The following ZCCHC4 variants were observed in gnomAD, a reference collection of about 807,000 sequenced individuals.
ZCCHC4 encodes the protein rRNA N(6)-adenosine-methyltransferase ZCCHC4.
Under a neutral mutation model 67.7 loss-of-function variants are expected in ZCCHC4, and 54 were observed. The ratio of observed to expected loss-of-function variants is 0.80; its 90% confidence interval spans 0.64 to 1.00. The LOEUF (loss-of-function observed/expected upper bound fraction) is 1.00. Ranked by LOEUF, ZCCHC4 falls within the 50% of genes least tolerant of loss-of-function variation. ZCCHC4 has a pLI of 0.00. For synonymous variants in ZCCHC4, 198 were observed against 213.5 expected (o/e 0.93, Z 0.63); for missense variants, 609 against 617.0 (o/e 0.99, Z 0.14).
Position 25,332,648 on chromosome 4 carries a change from T to G in ZCCHC4, c.330-535T>G, listed in dbSNP as rs577738176. On this transcript the variant is annotated intron_variant, in intron 3 of 12. Coordinates refer to ENST00000302874, the MANE Select transcript of ZCCHC4 (RefSeq NM_024936.3). The stretch of plus-strand genomic sequence containing the variant: ...CTTTTTTAAGGCTTTGAATATTGTC[T>G]TGTTGTTTTGGAGGTGAGCTTATAA... Among the ~76,000 whole-genome samples, 6 of 152,344 alleles carry G rather than the reference T, an allele frequency of 3.9e-5. No individual in the cohort carries two copies. In the East Asian group the frequency reaches 9.6e-4, roughly 24 times the overall value.
At position 25,369,062 on chromosome 4, in the gene ZCCHC4, T is replaced by TG. The variant is rs760268462; in HGVS notation, c.1440_1441insG (p.Lys481GlufsTer38). 17 of 1,611,900 alleles carry TG rather than the reference T, an allele frequency of 1.1e-5. No individual in the cohort carries two copies. Among genetic ancestry groups the TG allele is most frequent in the Non-Finnish European group, 1.4e-5 (17 of 1,179,508 alleles). ...GAAAGCAGAAGCAAAGAAAAAGTAA[T>TG]AAGATGAAAATGGAGACCACGAAAG... On this transcript the variant is annotated frameshift_variant, in exon 13 of 13. Transcript: ENST00000302874. LOFTEE classifies it high-confidence loss of function.
At chr4:25,337,017 T>G (rs1719493285) in intron 5 of ZCCHC4, among the ~76,000 whole-genome samples, 1 of 152,242 alleles carries the variant, frequency 6.6e-6, no homozygotes, top group Non-Finnish European at 1.5e-5. Context: ...GAAATAACTT[T>G]GCTTTTAAAC....
chr4:25,362,080 C>T, intron 9 of ZCCHC4, 100 bp downstream of exon 9: 1 of 1,482,404 alleles, frequency 6.7e-7, no homozygotes, highest in Admixed American at 2.2e-5. Flanking sequence ...TGTTATTCTT[C>T]TGTTACTTTT....
rs1720651066 is a variant in ZCCHC4, at chr4:25,359,780, C to G, written c.1012-2079C>G. Among the ~76,000 whole-genome samples, 1 of 152,232 alleles carries G rather than the reference C, an allele frequency of 6.6e-6. No individual in the cohort carries two copies. On this transcript the variant is annotated intron_variant, in intron 8 of 12. Coordinates refer to ENST00000302874, the MANE Select transcript of ZCCHC4 (RefSeq NM_024936.3). This position sits in a 1 kb window ranked among gnomAD's most constrained non-coding sequence, Gnocchi z 4.9. ...TGTTTCTGCGCGACCTGGTCCCACC[C>G]TGGCACTCCAGCCTAAAGACTATGT...
Position 25,324,014 on chromosome 4 carries a change from G to GTTTTTTTTTTTTTTTTTTT in ZCCHC4, c.329+8630_329+8631insTTTTTTTTTTTTTTTTTTT, listed in dbSNP as rs71188998. Among the ~76,000 whole-genome samples the GTTTTTTTTTTTTTTTTTTT allele has an allele frequency of 1.3e-3, 105 of 82,424 alleles. 29 individuals are homozygous for GTTTTTTTTTTTTTTTTTTT. Among genetic ancestry groups the GTTTTTTTTTTTTTTTTTTT allele is most frequent in the East Asian group, 3.2e-3 (9 of 2,810 alleles). 54.1% of individuals were successfully genotyped at this position (82,424 alleles called of 152,430 possible). A position where few individuals can be genotyped will look rare whatever the true frequency, so the allele number is the denominator to read the frequency against. On this transcript the variant is annotated intron_variant, in intron 3 of 12. Coordinates refer to ENST00000302874, the MANE Select transcript of ZCCHC4 (RefSeq NM_024936.3). The stretch of plus-strand genomic sequence containing the variant: ...TCGTACAGTATGTACTGTTTTTTGT[G>GTTTTTTTTTTTTTTTTTTT]TTTTTTTTTTTTTTTTGAGACAGAG...
intron 3 of ZCCHC4, among the ~76,000 whole-genome samples, chr4:25,328,028 A>G (rs975859809): frequency 2.6e-5 from 4 of 152,084 alleles, no homozygotes; most frequent in Non-Finnish European, 5.9e-5. Context: ...TTCATAAGGC[A>G]TGTTTGTCTG....
intron 3 of ZCCHC4, among the ~76,000 whole-genome samples, chr4:25,319,119 C>T (rs1269431339): frequency 1.3e-5 from 2 of 152,180 alleles, no homozygotes; most frequent in Admixed American, 6.5e-5. Context: ...TGCGGTGGCT[C>T]ACGCCTGTAA....
intron 5 of ZCCHC4, among the ~76,000 whole-genome samples, chr4:25,334,872 C>G (rs900632482): frequency 2.6e-5 from 4 of 151,698 alleles, no homozygotes; most frequent in African/African-American, 9.7e-5. Flanking sequence ...GGGTCTCGCT[C>G]TGTCACCCAG....
At chr4:25,356,460 A>T (rs1372799689) in intron 8 of ZCCHC4, among the ~76,000 whole-genome samples, 3 of 152,182 alleles carry the variant, frequency 2.0e-5, no homozygotes, top group Non-Finnish European at 4.4e-5. Flanking sequence ...TTTAAAAATA[A>T]TAATAATCTC....
chr4:25,324,608 G>A (rs1005788093), intron 3 of ZCCHC4, among the ~76,000 whole-genome samples: 8 of 152,270 alleles, frequency 5.3e-5, no homozygotes, highest in Admixed American at 3.9e-4. Context: ...GTGGATATAC[G>A]TTTAATTTTT....
At chr4:25,332,061 A>G (rs1435766585) in intron 3 of ZCCHC4, among the ~76,000 whole-genome samples, 1 of 152,162 alleles carries the variant, frequency 6.6e-6, no homozygotes, top group Non-Finnish European at 1.5e-5. Flanking sequence ...TAATCCCAGC[A>G]CTTTGGGAGG....
chr4:25,355,300 G>A (rs1420558283), intron 8 of ZCCHC4, among the ~76,000 whole-genome samples: 1 of 152,172 alleles, frequency 6.6e-6, no homozygotes, highest in African/African-American at 2.4e-5. Flanking sequence ...AAAATAAAAT[G>A]ATTGAATCAG....
intron 1 of ZCCHC4, 90 bp from the exon 2 acceptor site, chr4:25,313,955 CA>C (rs1018723704): frequency 1.3e-6 from 1 of 767,488 alleles, no homozygotes; most frequent in African/African-American, 1.8e-5. Context: ...AAAGCTCAAA[CA>C]AATTTTATTT....
chr4:25,349,915 G>A (rs1002203395), intron 7 of ZCCHC4, among the ~76,000 whole-genome samples: 2 of 152,092 alleles, frequency 1.3e-5, no homozygotes, highest in African/African-American at 4.8e-5. Flanking sequence ...GTGAACTGCT[G>A]TCATTCTATT....
At chr4:25,320,483 A>C (rs1049620394) in intron 3 of ZCCHC4, among the ~76,000 whole-genome samples, 26 of 152,232 alleles carry the variant, frequency 1.7e-4, no homozygotes, top group African/African-American at 6.0e-4. Context: ...GATCAATAAA[A>C]ATGACATTTC....
intron 8 of ZCCHC4, among the ~76,000 whole-genome samples, chr4:25,356,977 G>A (rs1354702521): frequency 2.0e-5 from 3 of 152,132 alleles, no homozygotes; most frequent in East Asian, 3.8e-4. Context: ...ATGACCAGCC[G>A]TCATCCAGCT....
chr4:25,327,202 G>T (rs1718926669), intron 3 of ZCCHC4, among the ~76,000 whole-genome samples: 1 of 152,108 alleles, frequency 6.6e-6, no homozygotes, highest in South Asian at 2.1e-4. Context: ...TTATCAAACT[G>T]GCTAGAAACC....
At chr4:25,365,752 T>A (rs1720916268) in intron 12 of ZCCHC4, 1 of 985,456 alleles carries the variant, frequency 1.0e-6, no homozygotes, top group Non-Finnish European at 1.2e-6. Flanking sequence ...CAACTCAGAG[T>A]ATGGGGATAC....
intron 8 of ZCCHC4, among the ~76,000 whole-genome samples, chr4:25,358,535 T>C (rs1720600818): frequency 6.6e-6 from 1 of 152,264 alleles, no homozygotes; most frequent in Admixed American, 6.5e-5. Context: ...GAATTTGTCA[T>C]AACAAATCTC....
Sources: allele counts gnomAD v4.1 joint callset (sites outside exome capture counted in the v4.1 genomes callset), GRCh38; gene constraint gnomAD v4.1.1; non-coding constraint Gnocchi (gnomAD v3.1); transcripts MANE v1.5; gene names NCBI Gene and HGNC (gene_info 2026-07-23, HGNC 2026-07-21).